Variants in SLC44A5 observed in about 807,000 individuals in gnomAD.
The protein encoded by SLC44A5 is choline transporter-like protein 5.
Under a neutral mutation model 101.8 loss-of-function variants are expected in SLC44A5, and 57 were observed. The ratio of observed to expected loss-of-function variants is 0.56; its 90% CI spans 0.45 to 0.70. The LOEUF (loss-of-function observed/expected upper bound fraction) is 0.70. Ranked by LOEUF, SLC44A5 falls within the 30% of genes least tolerant of loss-of-function variation. The probability of loss-of-function intolerance (pLI) is 0.00; values close to 1 mark genes in which losing one functional copy is unlikely to be tolerated. For missense variants in SLC44A5, 737 were observed against 853.1 expected (o/e 0.86, Z 1.70); for synonymous variants, 281 against 290.9 (o/e 0.97, Z 0.35).
chr1:75,541,975 C>A (rs761640618), intron 1 of SLC44A5, among the ~76,000 whole-genome samples: 46 of 151,774 alleles, frequency 3.0e-4, no homozygotes, highest in Non-Finnish European at 5.9e-4. Context: ...AGTTTTAGGG[C>A]GAGGGGTTTT....
At chr1:75,406,458 C>T (rs950123978) in intron 2 of SLC44A5, among the ~76,000 whole-genome samples, 1 of 152,244 alleles carries the variant, frequency 6.6e-6, no homozygotes, top group East Asian at 1.9e-4. Flanking sequence ...TGTGAAAATC[C>T]TCAATAAAAT....
At chr1:75,307,057 A>G (rs1273263351) in intron 4 of SLC44A5, among the ~76,000 whole-genome samples, 1 of 152,068 alleles carries the variant, frequency 6.6e-6, no homozygotes, top group Non-Finnish European at 1.5e-5. Context: ...TCTTTGTGGC[A>G]GATGAAATTC....
chr1:75,453,707 C>T (rs1666030184), intron 2 of SLC44A5, among the ~76,000 whole-genome samples: 1 of 151,938 alleles, frequency 6.6e-6, no homozygotes, highest in Admixed American at 6.6e-5. Flanking sequence ...TCACCAGCGA[C>T]AATGATGACA....
chr1:75,333,823 C>T (rs1313397789), intron 4 of SLC44A5, among the ~76,000 whole-genome samples: 1 of 152,088 alleles, frequency 6.6e-6, no homozygotes, highest in African/African-American at 2.4e-5. Context: ...TGCACTCATA[C>T]TTGAAGACAT....
At chr1:75,390,967 C>A (rs1163681859) in intron 3 of SLC44A5, among the ~76,000 whole-genome samples, 1 of 151,990 alleles carries the variant, frequency 6.6e-6, no homozygotes, top group Non-Finnish European at 1.5e-5. Flanking sequence ...TTGAAAGACT[C>A]CTAAACATAA....
chr1:75,502,890 C>T (rs916295121), intron 2 of SLC44A5, among the ~76,000 whole-genome samples: 5 of 152,074 alleles, frequency 3.3e-5, no homozygotes, highest in African/African-American at 1.2e-4. Context: ...GTGGGGGCTC[C>T]GCCTTGCTGA....
At chr1:75,247,810 G>A (rs776120213) in intron 7 of SLC44A5, among the ~76,000 whole-genome samples, 1 of 148,772 alleles carries the variant, frequency 6.7e-6, no homozygotes, top group East Asian at 2.1e-4. Flanking sequence ...TAATGTTGAG[G>A]TCGATGGTAT....
chr1:75,624,319 A>G, the SLC44A5 span, among the ~76,000 whole-genome samples: 1 of 152,204 alleles, frequency 6.6e-6, no homozygotes, highest in African/African-American at 2.4e-5. Context: ...AGAATTACAA[A>G]GTCATCATTT....
the SLC44A5 span, among the ~76,000 whole-genome samples, chr1:75,701,942 A>G: frequency 6.6e-6 from 1 of 152,154 alleles, no homozygotes; most frequent in Non-Finnish European, 1.5e-5. Flanking sequence ...TAGGAATCCA[A>G]CCTACAAGGG....
intron 2 of SLC44A5, among the ~76,000 whole-genome samples, chr1:75,449,490 C>G (rs1272186241): frequency 6.6e-6 from 1 of 152,122 alleles, no homozygotes; most frequent in East Asian, 1.9e-4. Flanking sequence ...TTGCCCCACT[C>G]TCTTGGGGTT....
At chr1:75,721,172 C>T in the SLC44A5 span, among the ~76,000 whole-genome samples, 3 of 152,252 alleles carry the variant, frequency 2.0e-5, no homozygotes, top group East Asian at 3.9e-4. Flanking sequence ...CCCATCATGG[C>T]CTGAAGTAGT....
chr1:75,685,405 C>T, the SLC44A5 span, among the ~76,000 whole-genome samples: 1 of 152,136 alleles, frequency 6.6e-6, no homozygotes, highest in Non-Finnish European at 1.5e-5. Context: ...TGCATAATCA[C>T]GCTGCAAATT....
rs572202154 is a variant in SLC44A5 at position 75,397,656 on chromosome 1, T to C, written c.14-1035A>G. On this transcript the variant is annotated intron_variant, in intron 2 of 23. Coordinates refer to ENST00000370859, the MANE Select transcript of SLC44A5 (RefSeq NM_001130058.2). ...ACAAGCCTTGCAGTAGTTACAATAATCGGTTCACTTCTAAAAATGAGAATC... is the reference window on the plus strand; with the variant it reads ...ACAAGCCTTGCAGTAGTTACAATAACCGGTTCACTTCTAAAAATGAGAATC... Among the ~76,000 whole-genome samples the C allele has an allele frequency of 2.6e-5, 4 of 152,256 alleles. No homozygotes were observed. In the South Asian group the frequency reaches 8.3e-4, roughly 32 times the overall value.
intron 3 of SLC44A5, among the ~76,000 whole-genome samples, chr1:75,393,411 T>C (rs1457205701): frequency 6.6e-6 from 1 of 152,192 alleles, no homozygotes; most frequent in East Asian, 1.9e-4. Flanking sequence ...TGTTTTATGT[T>C]ATTACAAAGG....
chr1:75,350,383 T>C (rs766671621), intron 3 of SLC44A5, among the ~76,000 whole-genome samples: 1 of 151,726 alleles, frequency 6.6e-6, no homozygotes, highest in Non-Finnish European at 1.5e-5. Context: ...TCTCCAGAAC[T>C]GTGAGAAATA....
chr1:75,232,426 A>G (rs1008690915), intron 12 of SLC44A5, among the ~76,000 whole-genome samples: 5 of 152,128 alleles, frequency 3.3e-5, no homozygotes, highest in African/African-American at 1.2e-4. Context: ...CAGGAACACA[A>G]AAACAAGATG....
the SLC44A5 span, among the ~76,000 whole-genome samples, chr1:75,634,504 C>T: frequency 3.3e-5 from 5 of 150,752 alleles, no homozygotes; most frequent in Non-Finnish European, 5.9e-5. Flanking sequence ...TCAGAAATAA[C>T]GCCGCATATC....
chr1:75,280,857 C>G (rs1489732678), intron 5 of SLC44A5, among the ~76,000 whole-genome samples: 1 of 152,006 alleles, frequency 6.6e-6, no homozygotes, highest in Non-Finnish European at 1.5e-5. Flanking sequence ...CCCAGTCATG[C>G]TGAATTGTGA....
At chr1:75,597,701 T>C (rs1216405042) in intron 1 of SLC44A5, among the ~76,000 whole-genome samples, 3 of 151,746 alleles carry the variant, frequency 2.0e-5, no homozygotes, top group African/African-American at 7.2e-5. Context: ...ATGGAGAAAG[T>C]ATTCCCTAAA....
Sources: gnomAD v4.1 joint callset for allele counts (sites outside exome capture counted in the v4.1 genomes callset) on GRCh38, gnomAD v4.1.1 for gene constraint, MANE v1.5 for transcripts, NCBI Gene and HGNC (gene_info 2026-07-23, HGNC 2026-07-21) for gene names.